IGSF3: variants seen among roughly 807,000 people sequenced by gnomAD.
IGSF3 encodes the protein immunoglobulin superfamily member 3, also known as glu-Trp-Ile EWI motif-containing protein 3.
A neutral mutation model predicts 114.4 loss-of-function variants in IGSF3; 23 were observed. The ratio of observed to expected loss-of-function variants is 0.20; its 90% CI spans 0.14 to 0.28. The LOEUF (loss-of-function observed/expected upper bound fraction) is 0.28. Ranked by LOEUF, IGSF3 falls within the 10% of genes least tolerant of loss-of-function variation. The pLI is 1.00. For missense variants in IGSF3, 1,172 were observed against 1,591.5 expected (o/e 0.74, Z 4.48); for synonymous variants, 571 against 645.2 (o/e 0.88, Z 1.74).
Position 116,655,322 on chromosome 1 carries a change from G to C in IGSF3, c.43+10962C>G, listed in dbSNP as rs540528212. 5.9e-5 allele frequency among the ~76,000 whole-genome samples: 9 copies of C among 152,298 alleles called. No homozygotes were observed. The South Asian group carries it at 1.9e-3, about 32-fold the overall frequency. On this transcript the variant is annotated intron_variant, in intron 2 of 10. Transcript: ENST00000369486. This position sits in a 1 kb window ranked among gnomAD's most constrained non-coding sequence, Gnocchi z 4.3. ...GAGGTCTCAGGACAAGGGATAGAAAGTCAAACACTGATGTTTAAGAAGGGA... is the reference window on the plus strand; with the variant it reads ...GAGGTCTCAGGACAAGGGATAGAAACTCAAACACTGATGTTTAAGAAGGGA...
chr1:116,665,639 G>A lies in IGSF3; in HGVS notation c.43+645C>T, dbSNP rs1393827163. 6.6e-6 allele frequency among the ~76,000 whole-genome samples: 1 copy of A among 152,078 alleles called. No individual in the cohort carries two copies. The highest frequency in any genetic ancestry group is 1.9e-4 in the East Asian group (1 of 5,184). ...CCCACTCTAGGCATTCTGATTTGTG[G>A]GAGCACAAAAGCCAATCCTAAAATC... is the stretch of plus-strand genomic sequence containing the variant. On this transcript the variant is annotated intron_variant, in intron 2 of 10. Transcript: ENST00000369486. The surrounding 1 kb of genome is among the most constrained non-coding windows in gnomAD (Gnocchi z 4.0).
intron 2 of IGSF3, among the ~76,000 whole-genome samples, chr1:116,637,668 C>T (rs1353206813): frequency 6.6e-6 from 1 of 152,176 alleles, no homozygotes. Flanking sequence ...CCACGGCCTC[C>T]CCCTCCTACA....
rs1350554156 is a variant in IGSF3 at position 116,661,224 on chromosome 1, C to T, written c.43+5060G>A. Among the ~76,000 whole-genome samples the T allele has an allele frequency of 6.6e-6, 1 of 152,042 alleles. No individual in the cohort carries two copies. Among genetic ancestry groups the T allele is most frequent in the African/African-American group, 2.4e-5 (1 of 41,390 alleles). Reference sequence around the variant, plus strand: ...AGGAGAATCGCGTGAACCCAGCAGGCGGAGGTTACGGTGAGCCAAGATCGT... The same window carrying T: ...AGGAGAATCGCGTGAACCCAGCAGGTGGAGGTTACGGTGAGCCAAGATCGT... On this transcript the variant is annotated intron_variant, in intron 2 of 10. Transcript: ENST00000369486. The surrounding 1 kb of genome is among the most constrained non-coding windows in gnomAD (Gnocchi z 4.0).
At chr1:116,581,859 A>C (rs888758741) in intron 9 of IGSF3, among the ~76,000 whole-genome samples, 12 of 152,190 alleles carry the variant, frequency 7.9e-5, no homozygotes, top group African/African-American at 2.9e-4. Flanking sequence ...ACTAGAGACC[A>C]AGGGGAGCCC....
In IGSF3 at chr1:116,650,251, A is replaced by G. The variant is rs1345178438; in HGVS notation, c.43+16033T>C. Among the ~76,000 whole-genome samples, 4 of 152,210 alleles carry G rather than the reference A, an allele frequency of 2.6e-5. No individual in the cohort carries two copies. Among genetic ancestry groups the G allele is most frequent in the African/African-American group, 9.6e-5 (4 of 41,470 alleles). On this transcript the variant is annotated intron_variant, in intron 2 of 10. Coordinates refer to ENST00000369486, the MANE Select transcript of IGSF3 (RefSeq NM_001007237.3). This position sits in a 1 kb window ranked among gnomAD's most constrained non-coding sequence, Gnocchi z 5.0. Reference sequence around the variant, plus strand: ...AAAATGTATGGAGATTGGACTGTTCAGTCTTCAGGGGCTTGGCCCTCAGGG... The same window carrying G: ...AAAATGTATGGAGATTGGACTGTTCGGTCTTCAGGGGCTTGGCCCTCAGGG...
Position 116,645,230 on chromosome 1 carries a change from T to C in IGSF3, c.43+21054A>G, listed in dbSNP as rs181940760. 3.5e-4 allele frequency among the ~76,000 whole-genome samples: 54 copies of C among 152,340 alleles called. No individual in the cohort carries two copies. In the East Asian group the frequency reaches 9.4e-3, roughly 27 times the overall value. On this transcript the variant is annotated intron_variant, in intron 2 of 10. Coordinates refer to ENST00000369486, the MANE Select transcript of IGSF3 (RefSeq NM_001007237.3). ...ACATGGAGGGATCTCAAAAGCACTG[T>C]GCTGAGTGAGAGAAGCCAGATTCAA... is the stretch of plus-strand genomic sequence containing the variant.
chr1:116,599,040 G>T (rs963043345), intron 7 of IGSF3, among the ~76,000 whole-genome samples: 12 of 152,162 alleles, frequency 7.9e-5, no homozygotes, highest in Non-Finnish European at 1.6e-4. Context: ...GGGCCTGGGT[G>T]CAGGCAACAT....
intron 9 of IGSF3, among the ~76,000 whole-genome samples, chr1:116,581,232 C>T (rs906483585): frequency 1.4e-5 from 2 of 147,948 alleles, no homozygotes; most frequent in African/African-American, 5.0e-5. Flanking sequence ...CCTGCTTAGG[C>T]GGGAGACACA....
intron 2 of IGSF3, among the ~76,000 whole-genome samples, chr1:116,622,117 C>T (rs1661442549): frequency 6.6e-6 from 1 of 152,168 alleles, no homozygotes; most frequent in Admixed American, 6.5e-5. Context: ...TCAGAGGGAT[C>T]GACCTCACCA....
chr1:116,613,946 C>T lies in IGSF3; in HGVS notation c.651G>A (p.Gly217=). Residue 217 remains glycine, a synonymous_variant, in exon 4 of 11, where the codon GGG becomes GGA. Transcript: ENST00000369486. ...SSEYAQRQSL[G]EVRLDKLGRT... is the part of the protein sequence containing the mutation. The stretch of plus-strand genomic sequence containing the variant: ...TCCCCAGCTTGTCCAGCCGCACCTC[C>T]CCCAGGCTCTGCCTCTGGGCATATT... The T allele has an allele frequency of 1.2e-6, 2 of 1,613,970 alleles. No homozygotes were observed. Among genetic ancestry groups the T allele is most frequent in the East Asian group, 2.2e-5 (1 of 44,890 alleles).
chr1:116,639,398 G>T lies in IGSF3; in HGVS notation c.44-22941C>A, dbSNP rs139404193. ...CTAAATTCTACTGTGCCTTTGCAAAGCCCAGCTCAAGTCCTTTTTCCTTTC... is the reference window on the plus strand; with the variant it reads ...CTAAATTCTACTGTGCCTTTGCAAATCCCAGCTCAAGTCCTTTTTCCTTTC... On this transcript the variant is annotated intron_variant, in intron 2 of 10. Transcript: ENST00000369486. Among the ~76,000 whole-genome samples the T allele has an allele frequency of 3.6e-4, 55 of 152,306 alleles. 2 individuals are homozygous for T. The East Asian group carries it at 0.011, about 29-fold the overall frequency.
rs1326946075 is a variant in IGSF3, at chr1:116,628,989, T to C, written c.44-12532A>G. On this transcript the variant is annotated intron_variant, in intron 2 of 10. Coordinates refer to ENST00000369486, the MANE Select transcript of IGSF3 (RefSeq NM_001007237.3). The surrounding 1 kb of genome is among the most constrained non-coding windows in gnomAD (Gnocchi z 4.2). ...TCTGCAGCAGCCCAGAGAAGACAAC[T>C]GGGAAACAGGGCCCTCGCAGATACA... is the stretch of plus-strand genomic sequence containing the variant. 6.6e-6 allele frequency among the ~76,000 whole-genome samples: 1 copy of C among 152,134 alleles called. No homozygotes were observed. Among genetic ancestry groups the C allele is most frequent in the African/African-American group, 2.4e-5 (1 of 41,424 alleles).
rs151076708 is a variant in IGSF3 at position 116,587,448 on chromosome 1, A to G, written c.2440+1246T>C. Among the ~76,000 whole-genome samples the G allele has an allele frequency of 2.4e-3, 364 of 152,298 alleles. 2 individuals are homozygous for G. The highest frequency in any genetic ancestry group is 8.0e-3 in the African/African-American group (333 of 41,560). On this transcript the variant is annotated intron_variant, in intron 8 of 10. Transcript: ENST00000369486. Reference sequence around the variant, plus strand: ...CTTCACGGAAGAGCAAGACAAATGAATATCTATGGCCAACATGTTCCAGGC... The same window carrying G: ...CTTCACGGAAGAGCAAGACAAATGAGTATCTATGGCCAACATGTTCCAGGC...
In IGSF3 at chr1:116,662,564, G is replaced by C. The variant is rs1484747947; in HGVS notation, c.43+3720C>G. On this transcript the variant is annotated intron_variant, in intron 2 of 10. Coordinates refer to ENST00000369486, the MANE Select transcript of IGSF3 (RefSeq NM_001007237.3). This position sits in a 1 kb window ranked among gnomAD's most constrained non-coding sequence, Gnocchi z 4.3. ...CAGTCTTGCTGCCATGAAAACCGTAGAAGATGGCAACATCTTAACACAGCC... is the reference window on the plus strand; with the variant it reads ...CAGTCTTGCTGCCATGAAAACCGTACAAGATGGCAACATCTTAACACAGCC... Among the ~76,000 whole-genome samples, 1 of 152,158 alleles carries C rather than the reference G, an allele frequency of 6.6e-6. No individual in the cohort carries two copies. Among genetic ancestry groups the C allele is most frequent in the East Asian group, 1.9e-4 (1 of 5,194 alleles).
At chr1:116,599,738 G>A (rs1457144165) in intron 7 of IGSF3, among the ~76,000 whole-genome samples, 2 of 152,156 alleles carry the variant, frequency 1.3e-5, no homozygotes, top group South Asian at 2.1e-4. Context: ...AACAAATGCC[G>A]TCAGACAACA....
intron 1 of IGSF3, 104 bp from the exon 2 acceptor site, chr1:116,667,060 G>C (rs906663658): frequency 2.6e-6 from 1 of 388,436 alleles, no homozygotes; most frequent in Non-Finnish European, 4.5e-6. Flanking sequence ...TCCTGGACCA[G>C]GACAGTCAAC....
chr1:116,633,916 G>A lies in IGSF3; in HGVS notation c.44-17459C>T, dbSNP rs531250065. ...CTGTAGGCTCTGCCCTCTCACAAAG[G>A]TGAGTAGATGGGTCTGGAGAGGGCT... On this transcript the variant is annotated intron_variant, in intron 2 of 10. Coordinates refer to ENST00000369486, the MANE Select transcript of IGSF3 (RefSeq NM_001007237.3). This position sits in a 1 kb window ranked among gnomAD's most constrained non-coding sequence, Gnocchi z 4.3. Among the ~76,000 whole-genome samples the A allele has an allele frequency of 1.6e-4, 25 of 152,238 alleles. No homozygotes were observed. The highest frequency in any genetic ancestry group is 2.8e-4 in the Non-Finnish European group (19 of 68,046).
Position 116,588,691 on chromosome 1 carries a change from T to C in IGSF3, c.2440+3A>G. On this transcript the variant is annotated splice_donor_region_variant and intron_variant, in intron 8 of 10. Transcript: ENST00000369486. This position sits in a 1 kb window ranked among gnomAD's most constrained non-coding sequence, Gnocchi z 4.9. Reference sequence around the variant, plus strand: ...CCAGGACAGCCGTGCCCTGCGGCCTTACCTGGCTGTTTCACAGTGACTTCT... The same window carrying C: ...CCAGGACAGCCGTGCCCTGCGGCCTCACCTGGCTGTTTCACAGTGACTTCT... The C allele has an allele frequency of 1.3e-6, 2 of 1,578,076 alleles. No individual in the cohort carries two copies. The highest frequency in any genetic ancestry group is 1.7e-6 in the Non-Finnish European group (2 of 1,160,442).
intron 8 of IGSF3, among the ~76,000 whole-genome samples, chr1:116,587,435 GC>G (rs1659899238): frequency 6.6e-6 from 1 of 152,156 alleles, no homozygotes; most frequent in African/African-American, 2.4e-5. Flanking sequence ...TCACGGAAGA[GC>G]AAGACAAATG....
Sources: gnomAD v4.1 joint callset for allele counts (sites outside exome capture counted in the v4.1 genomes callset) on GRCh38, gnomAD v4.1.1 for gene constraint, Gnocchi (gnomAD v3.1) non-coding constraint, MANE v1.5 for transcripts, NCBI Gene and HGNC (gene_info 2026-07-23, HGNC 2026-07-21) for gene names.